Variants in KIF3B observed in about 807,000 individuals in gnomAD.
The protein encoded by KIF3B is kinesin family member 3B.
A neutral mutation model predicts 74.3 loss-of-function variants in KIF3B; 38 were observed. The observed-to-expected ratio is 0.51, with a 90% CI of 0.39 to 0.67. The LOEUF is 0.67. KIF3B is among the 30% of genes least tolerant of loss of function. The pLI is 0.00. For synonymous variants in KIF3B, 326 were observed against 342.5 expected (o/e 0.95, Z 0.53); for missense variants, 649 against 932.0 (o/e 0.70, Z 3.95).
At chr20:32,322,545 T>C (rs1025770128) in intron 5 of KIF3B, among the ~76,000 whole-genome samples, 1 of 143,774 alleles carries the variant, frequency 7.0e-6, no homozygotes, top group African/African-American at 2.6e-5. Context: ...GAGGCGGAGG[T>C]TGCAGTGAGC....
At chr20:32,313,250 G>A (rs577517585) in intron 2 of KIF3B, among the ~76,000 whole-genome samples, 1 of 152,092 alleles carries the variant, frequency 6.6e-6, no homozygotes, top group Non-Finnish European at 1.5e-5. Context: ...AGAGGAGAGT[G>A]CAAAGGTAGA....
chr20:32,288,539 A>AT (rs770563701), intron 1 of KIF3B, among the ~76,000 whole-genome samples: 13 of 152,124 alleles, frequency 8.5e-5, no homozygotes, highest in Non-Finnish European at 1.8e-4. Context: ...ATGATGAAGT[A>AT]TTTTTTTGAT....
intron 1 of KIF3B, among the ~76,000 whole-genome samples, chr20:32,279,539 C>T (rs1458774061): frequency 2.0e-5 from 3 of 151,056 alleles, no homozygotes; most frequent in Non-Finnish European, 2.9e-5. Flanking sequence ...CATCTCAGCT[C>T]ACTGCAACCT....
intron 1 of KIF3B, among the ~76,000 whole-genome samples, chr20:32,307,433 C>T (rs1216449369): frequency 6.6e-6 from 1 of 152,130 alleles, no homozygotes; most frequent in Non-Finnish European, 1.5e-5. Flanking sequence ...TAATCAGTCT[C>T]CTCTTGATGG....
intron 2 of KIF3B, among the ~76,000 whole-genome samples, chr20:32,315,760 G>A (rs1321389976): frequency 6.6e-6 from 1 of 152,058 alleles, no homozygotes; most frequent in Non-Finnish European, 1.5e-5. Context: ...TATCCCATCA[G>A]TGTGCCTCTC....
chr20:32,299,555 C>T (rs1273881189), intron 1 of KIF3B, among the ~76,000 whole-genome samples: 3 of 150,020 alleles, frequency 2.0e-5, no homozygotes, highest in Non-Finnish European at 1.5e-5. Context: ...GGGATTACAG[C>T]GCATCGCAGC....
At chr20:32,288,674 A>G (rs1360694184) in intron 1 of KIF3B, among the ~76,000 whole-genome samples, 1 of 152,162 alleles carries the variant, frequency 6.6e-6, no homozygotes, top group East Asian at 1.9e-4. Context: ...TTCTCTGAAT[A>G]GGCTGTTTAT....
At chr20:32,323,970 G>A (rs2047890422) in intron 5 of KIF3B, among the ~76,000 whole-genome samples, 3 of 152,064 alleles carry the variant, frequency 2.0e-5, no homozygotes, top group Non-Finnish European at 2.9e-5. Context: ...GTAGGCGGGA[G>A]TGGTGGCATG....
chr20:32,327,589 C>A lies in KIF3B; in HGVS notation c.1896C>A (p.Ala632=). The A allele has an allele frequency of 6.2e-7, 1 of 1,613,276 alleles. No homozygotes were observed. The highest frequency in any genetic ancestry group is 8.5e-7 in the Non-Finnish European group (1 of 1,179,632). ...NQQMMKRPVS[A]VGYKRPLSQH... is the part of the protein sequence containing the mutation. ...AGATGATGAAGCGGCCAGTCTCAGC[C>A]GTGGGATATAAGAGACCATTGAGCC... The change falls in exon 7 of 9, where the codon GCC becomes GCA. Residue 632 remains alanine (A), a synonymous_variant. Coordinates refer to ENST00000375712, the MANE Select transcript of KIF3B (RefSeq NM_004798.4).
intron 1 of KIF3B, among the ~76,000 whole-genome samples, chr20:32,285,825 G>A (rs2047665257): frequency 6.6e-6 from 1 of 152,050 alleles, no homozygotes; most frequent in African/African-American, 2.4e-5. Context: ...CGTATTTCTT[G>A]GCAGTCAGAG....
At chr20:32,330,959 G>A (rs1022685) in intron 8 of KIF3B, among the ~76,000 whole-genome samples, 97,376 of 152,080 alleles carry the variant, frequency 0.64, 32,149 homozygotes, top group East Asian at 0.99. Context: ...ATCAATCAGG[G>A]AAGGACAGTA....
intron 5 of KIF3B, among the ~76,000 whole-genome samples, chr20:32,322,658 ATT>A (rs2047867854): frequency 3.3e-5 from 2 of 61,278 alleles, no homozygotes; most frequent in South Asian, 3.6e-4. Context: ...ATTTTTATAT[ATT>A]TATATATATA....
intron 1 of KIF3B, among the ~76,000 whole-genome samples, chr20:32,285,476 C>A (rs1360347852): frequency 1.3e-5 from 2 of 152,130 alleles, no homozygotes; most frequent in East Asian, 3.8e-4. Context: ...ATTTTCCTTT[C>A]AACACCTCCT....
chr20:32,307,109 T>C (rs2122687129), intron 1 of KIF3B, among the ~76,000 whole-genome samples: 1 of 152,298 alleles, frequency 6.6e-6, no homozygotes, highest in South Asian at 2.1e-4. Context: ...AAGCGGAAGG[T>C]ACACAGATTT....
intron 8 of KIF3B, among the ~76,000 whole-genome samples, chr20:32,330,573 GTTC>G (rs1175330940): frequency 1.3e-5 from 2 of 152,208 alleles, no homozygotes; most frequent in African/African-American, 4.8e-5. Flanking sequence ...ATAGCAGTCA[GTTC>G]TTCTGTTCTC....
rs2047932916 is a variant in KIF3B at position 32,332,014 on chromosome 20, T to A, written c.*695T>A. The A allele has an allele frequency of 6.5e-6, 1 of 152,690 alleles. No individual in the cohort carries two copies. The highest frequency in any genetic ancestry group is 2.4e-5 in the African/African-American group (1 of 41,452). 9.5% of individuals were successfully genotyped at this position (152,690 alleles called of 1,614,324 possible). ...TAACATTCCCTTTGCCTTCTCTGAG[T>A]GTTTAGGGAAATAGCTTCTTTAAAA... On this transcript the variant is annotated 3_prime_UTR_variant, in exon 9 of 9. Transcript: ENST00000375712.
intron 1 of KIF3B, among the ~76,000 whole-genome samples, chr20:32,286,530 TG>T (rs1351916070): frequency 6.6e-6 from 1 of 152,208 alleles, no homozygotes; most frequent in Non-Finnish European, 1.5e-5. Flanking sequence ...ATATATGTAA[TG>T]TTTTTCCTTA....
chr20:32,280,007 G>A (rs2047634748), intron 1 of KIF3B, among the ~76,000 whole-genome samples: 1 of 152,148 alleles, frequency 6.6e-6, no homozygotes, highest in African/African-American at 2.4e-5. Flanking sequence ...AATGATGAGA[G>A]GACTTTTTGG....
chr20:32,325,117 A>G (rs974894962), intron 5 of KIF3B, among the ~76,000 whole-genome samples: 2 of 152,192 alleles, frequency 1.3e-5, no homozygotes, highest in South Asian at 4.1e-4. Flanking sequence ...AGGACAAAAT[A>G]TACCAACATA....
Sources: gnomAD v4.1 joint callset for allele counts (sites outside exome capture counted in the v4.1 genomes callset) on GRCh38, gnomAD v4.1.1 for gene constraint, MANE v1.5 for transcripts, NCBI Gene and HGNC (gene_info 2026-07-23, HGNC 2026-07-21) for gene names.